Variants in SNX3 observed in about 807,000 individuals in gnomAD.
SNX3 encodes sorting nexin-3.
A neutral mutation model predicts 17.7 loss-of-function variants in SNX3; 5 were observed. The observed-to-expected ratio is 0.28, with a 90% confidence interval of 0.15 to 0.59. SNX3 has a LOEUF of 0.59. SNX3 is among the 20% of genes least tolerant of loss of function. The pLI is 0.88. For synonymous variants in SNX3, 91 were observed against 76.5 expected (o/e 1.19, Z -0.99); for missense variants, 132 against 206.8 (o/e 0.64, Z 2.22).
chr6:108,232,510 AT>A (rs1452169410), intron 1 of SNX3, among the ~76,000 whole-genome samples: 1 of 152,152 alleles, frequency 6.6e-6, no homozygotes, highest in African/African-American at 2.4e-5. Context: ...ATGTTACCTG[AT>A]TATCACTGAT....
chr6:108,235,398 G>A (rs930479009), intron 1 of SNX3, among the ~76,000 whole-genome samples: 5 of 152,318 alleles, frequency 3.3e-5, no homozygotes, highest in African/African-American at 1.2e-4. Context: ...ACAGAGACAA[G>A]CCATGACTTC....
chr6:108,237,782 TC>T, intron 1 of SNX3, among the ~76,000 whole-genome samples: 1 of 149,046 alleles, frequency 6.7e-6, no homozygotes, highest in South Asian at 2.1e-4. Flanking sequence ...AGAGTGAGAC[TC>T]TATTTCAAAA....
At chr6:108,251,887 C>G (rs1048074460) in intron 1 of SNX3, among the ~76,000 whole-genome samples, 1 of 151,698 alleles carries the variant, frequency 6.6e-6, no homozygotes, top group Non-Finnish European at 1.5e-5. Flanking sequence ...CACGATGAAA[C>G]CCCATCTTTA....
At chr6:108,260,292 A>C (rs1185144214) in intron 1 of SNX3, among the ~76,000 whole-genome samples, 1 of 152,170 alleles carries the variant, frequency 6.6e-6, no homozygotes, top group Non-Finnish European at 1.5e-5. Flanking sequence ...TGCACAACCC[A>C]GGTTACTTTA....
Position 108,248,857 on chromosome 6 carries a change from C to T in SNX3, c.162+11903G>A, listed in dbSNP as rs954538138. On this transcript the variant is annotated intron_variant, in intron 1 of 3. Coordinates refer to ENST00000230085, the MANE Select transcript of SNX3 (RefSeq NM_003795.6). ...CTCACTGCAGCCTTAACCTCCTTGG[C>T]TCAAATGATTCTCCCACCTCAACCT... Among the ~76,000 whole-genome samples the T allele has an allele frequency of 3.3e-5, 5 of 151,938 alleles. No homozygotes were observed. The East Asian group carries it at 7.7e-4, about 23-fold the overall frequency.
rs1201062565 is a variant in SNX3, at chr6:108,211,394, G to A, written c.*755C>T. 1.3e-5 allele frequency: 2 copies of A among 152,154 alleles called. No individual in the cohort carries two copies. Among genetic ancestry groups the A allele is most frequent in the Non-Finnish European group, 2.9e-5 (2 of 68,026 alleles). 9.4% of individuals were successfully genotyped at this position (152,154 alleles called of 1,614,324 possible). A position where few individuals can be genotyped will look rare whatever the true frequency, so the allele number is the denominator to read the frequency against. ...TGGAAGTATATTTGATATCACCACT[G>A]TTTAAAGGGAATGGAGTTACAGGAA... On this transcript the variant is annotated 3_prime_UTR_variant, in exon 4 of 4. Transcript: ENST00000230085.
At chr6:108,222,918 T>C (rs768990221) in intron 2 of SNX3, 32 bp downstream of exon 2, 4 of 1,234,222 alleles carry the variant, frequency 3.2e-6, no homozygotes. Flanking sequence ...TGGAATGTTT[T>C]GCTTTAAAGT....
chr6:108,242,901 A>G (rs1434137091), intron 1 of SNX3, among the ~76,000 whole-genome samples: 2 of 152,120 alleles, frequency 1.3e-5, no homozygotes, highest in Admixed American at 6.5e-5. Context: ...GCCCACAACT[A>G]TGTAAGCCTG....
chr6:108,234,989 G>A (rs1354921984), intron 1 of SNX3, among the ~76,000 whole-genome samples: 1 of 152,210 alleles, frequency 6.6e-6, no homozygotes, highest in Non-Finnish European at 1.5e-5. Context: ...TAAATGTTAA[G>A]TCTTCGAGTT....
At chr6:108,218,689 T>C (rs766255409) in intron 2 of SNX3, among the ~76,000 whole-genome samples, 2 of 152,146 alleles carry the variant, frequency 1.3e-5, no homozygotes, top group Non-Finnish European at 2.9e-5. Context: ...TAAAAAGAAA[T>C]GAAGTAATTG....
intron 1 of SNX3, among the ~76,000 whole-genome samples, chr6:108,237,872 C>T (rs2114740243): frequency 6.6e-6 from 1 of 151,416 alleles, no homozygotes; most frequent in South Asian, 2.1e-4. Flanking sequence ...CTGAGGTGGG[C>T]TGATCACTTG....
chr6:108,238,987 ACCT>A lies in SNX3; in HGVS notation c.163-15945_163-15943del, dbSNP rs574935800. On this transcript the variant is annotated intron_variant, in intron 1 of 3. Transcript: ENST00000230085. Reference sequence around the variant, plus strand: ...GCAATCTCGGTTCACTCAAACCTCCACCTCCTAGGTTCAAGCGATTTTCCTATG... The same window carrying A: ...GCAATCTCGGTTCACTCAAACCTCCACCTAGGTTCAAGCGATTTTCCTATG... 4.7e-3 allele frequency among the ~76,000 whole-genome samples: 709 copies of A among 149,612 alleles called. 2 individuals carry two copies. The highest frequency in any genetic ancestry group is 7.4e-3 in the Non-Finnish European group (498 of 67,496).
chr6:108,239,637 CAA>C (rs1362889113), intron 1 of SNX3, among the ~76,000 whole-genome samples: 2 of 152,122 alleles, frequency 1.3e-5, no homozygotes. Context: ...CGAAGACATT[CAA>C]AAGAGAAGAA....
Position 108,212,343 on chromosome 6 carries a change from A to AG in SNX3, c.384-90_384-89insC. ...TATTTTAAAGTTGAGAAGCATGTATAATTTTTTTTTTTTTGAGATGGAGTC... is the reference window on the plus strand; with the variant it reads ...TATTTTAAAGTTGAGAAGCATGTATAGATTTTTTTTTTTTTGAGATGGAGTC... On this transcript the variant is annotated intron_variant, in intron 3 of 3. Coordinates refer to ENST00000230085, the MANE Select transcript of SNX3 (RefSeq NM_003795.6). 10 of 936,022 alleles carry AG rather than the reference A, an allele frequency of 1.1e-5. No homozygotes were observed. In the African/African-American group the frequency reaches 1.5e-4, roughly 14 times the overall value. 58.0% of individuals were successfully genotyped at this position (936,022 alleles called of 1,614,324 possible).
intron 1 of SNX3, among the ~76,000 whole-genome samples, chr6:108,253,395 T>C (rs1360218072): frequency 7.1e-6 from 1 of 140,972 alleles, no homozygotes; most frequent in African/African-American, 2.6e-5. Context: ...ACATATGTCT[T>C]TTTTTTTTTT....
intron 1 of SNX3, among the ~76,000 whole-genome samples, chr6:108,249,547 C>T (rs1775788274): frequency 6.6e-6 from 1 of 152,208 alleles, no homozygotes; most frequent in South Asian, 2.1e-4. Flanking sequence ...GGTTTGCTGA[C>T]CGACCCTGAA....
At position 108,260,871 on chromosome 6, in the gene SNX3, G is replaced by T; in HGVS notation, c.51C>A (p.Asn17Lys). Residue 17 changes from asparagine (N) to lysine (K), a missense_variant, in exon 1 of 4, where the codon AAC (asparagine) becomes AAA (lysine). Physicochemically the swap from Asn to Lys is moderately conservative, Grantham distance 94 (BLOSUM62 0). Transcript: ENST00000230085. ...TGGGGGGTCCGTAGGCGTCATTCAG[G>T]TTCTGCGGCTTGGTGATCAGCCGCC... is the stretch of plus-strand genomic sequence containing the variant. Reference protein sequence around the residue: ...DTRRLITKPQNLNDAYGPPSN... With the variant: ...DTRRLITKPQKLNDAYGPPSN... The T allele has an allele frequency of 6.2e-7, 1 of 1,612,134 alleles. No homozygotes were observed. The highest frequency in any genetic ancestry group is 1.1e-5 in the South Asian group (1 of 91,048).
intron 1 of SNX3, among the ~76,000 whole-genome samples, chr6:108,234,254 TAAC>T (rs1775256717): frequency 6.6e-6 from 1 of 151,476 alleles, no homozygotes; most frequent in African/African-American, 2.4e-5. Context: ...TATATATATA[TAAC>T]ATATACATGT....
intron 1 of SNX3, among the ~76,000 whole-genome samples, chr6:108,247,431 G>A (rs1210346573): frequency 1.3e-5 from 2 of 151,804 alleles, no homozygotes; most frequent in Non-Finnish European, 2.9e-5. Flanking sequence ...GCAGTGGCAC[G>A]ACCACGGCTT....
Sources: allele counts gnomAD v4.1 joint callset (sites outside exome capture counted in the v4.1 genomes callset), GRCh38; gene constraint gnomAD v4.1.1; transcripts MANE v1.5; gene names NCBI Gene and HGNC (gene_info 2026-07-23, HGNC 2026-07-21).